Variants in TECRL observed in about 807,000 individuals in gnomAD.
TECRL encodes the protein trans-2,3-enoyl-CoA reductase like.
A neutral mutation model predicts 52.8 loss-of-function variants in TECRL; 63 were observed. That is an observed-to-expected ratio of 1.19 (90% confidence interval 0.97 to 1.47). The LOEUF is 1.47. Ranked by LOEUF, TECRL falls within the 40% of genes most tolerant of loss-of-function variation. TECRL has a pLI of 0.00. For synonymous variants in TECRL, 164 were observed against 141.9 expected (o/e 1.16, Z -1.10); for missense variants, 482 against 429.6 (o/e 1.12, Z -1.08).
chr4:64,351,859 C>T (rs538442210), intron 2 of TECRL, among the ~76,000 whole-genome samples: 1 of 152,230 alleles, frequency 6.6e-6, no homozygotes, highest in African/African-American at 2.4e-5. Flanking sequence ...TAGTCTAATT[C>T]AGTATAGAGC....
chr4:64,291,891 T>C (rs982624100), intron 8 of TECRL, among the ~76,000 whole-genome samples: 11 of 151,932 alleles, frequency 7.2e-5, no homozygotes, highest in Non-Finnish European at 4.4e-5. Context: ...AATGCTTACA[T>C]GGTAAGAGTG....
At chr4:64,326,237 T>G (rs1718253775) in intron 3 of TECRL, among the ~76,000 whole-genome samples, 1 of 152,170 alleles carries the variant, frequency 6.6e-6, no homozygotes, top group Non-Finnish European at 1.5e-5. Flanking sequence ...AATCTATTTT[T>G]TCTATGTAGA....
chr4:64,320,038 T>C (rs1210289436), intron 4 of TECRL, among the ~76,000 whole-genome samples: 1 of 151,856 alleles, frequency 6.6e-6, no homozygotes, highest in African/African-American at 2.4e-5. Flanking sequence ...TACATGAACT[T>C]ATACAAGGGA....
At chr4:64,377,016 C>G (rs1263006611) in intron 1 of TECRL, among the ~76,000 whole-genome samples, 1 of 151,970 alleles carries the variant, frequency 6.6e-6, no homozygotes, top group African/African-American at 2.4e-5. Flanking sequence ...CAGAATAATG[C>G]AATAGACAAA....
At chr4:64,392,221 AC>A (rs375506120) in intron 1 of TECRL, among the ~76,000 whole-genome samples, 177 of 151,966 alleles carry the variant, frequency 1.2e-3, no homozygotes, top group South Asian at 0.011. Context: ...TATGCATTCC[AC>A]CCATATTTCA....
chr4:64,277,142 T>G, downstream of TECRL: 4 of 855,090 alleles, frequency 4.7e-6, no homozygotes, highest in South Asian at 8.0e-5. Context: ...AGTAAGGGAA[T>G]AACTGATACA....
chr4:64,392,789 C>T (rs1354302290), intron 1 of TECRL, among the ~76,000 whole-genome samples: 1 of 151,968 alleles, frequency 6.6e-6, no homozygotes, highest in Admixed American at 6.6e-5. Context: ...TTCATCAGGC[C>T]TATGCTGTAC....
chr4:64,374,166 T>C (rs1379197318), intron 2 of TECRL, among the ~76,000 whole-genome samples: 4 of 149,028 alleles, frequency 2.7e-5, no homozygotes, highest in Non-Finnish European at 4.5e-5. Flanking sequence ...TATGACTTTA[T>C]AGCAAAATAA....
At chr4:64,366,077 C>A (rs559644208) in intron 2 of TECRL, among the ~76,000 whole-genome samples, 1 of 151,930 alleles carries the variant, frequency 6.6e-6, no homozygotes, top group Admixed American at 6.6e-5. Flanking sequence ...AGAAAAAAAG[C>A]CACACAAATA....
At chr4:64,285,243 T>C (rs1024425267) in intron 9 of TECRL, among the ~76,000 whole-genome samples, 10 of 152,142 alleles carry the variant, frequency 6.6e-5, no homozygotes, top group African/African-American at 2.4e-4. Context: ...CCAACTTATC[T>C]GTCTCCAGTC....
chr4:64,375,688 C>A (rs531141936), intron 1 of TECRL, among the ~76,000 whole-genome samples: 1 of 151,910 alleles, frequency 6.6e-6, no homozygotes, highest in African/African-American at 2.4e-5. Context: ...AAGTCCCCTA[C>A]TGACATTATT....
At chr4:64,400,107 T>A (rs1724248219) in intron 1 of TECRL, among the ~76,000 whole-genome samples, 2 of 152,098 alleles carry the variant, frequency 1.3e-5, no homozygotes, top group African/African-American at 2.4e-5. Flanking sequence ...GTCACAGGAG[T>A]GGAGCTATCC....
At chr4:64,402,808 T>A (rs915000519) in intron 1 of TECRL, among the ~76,000 whole-genome samples, 3 of 152,098 alleles carry the variant, frequency 2.0e-5, no homozygotes, top group African/African-American at 7.2e-5. Flanking sequence ...TAAAAAGATC[T>A]GCTACCTACA....
intron 2 of TECRL, among the ~76,000 whole-genome samples, chr4:64,331,865 T>C (rs553818547): frequency 2.0e-5 from 3 of 151,914 alleles, no homozygotes; most frequent in African/African-American, 7.2e-5. Context: ...TTAAAAGAAA[T>C]AGGGACCAAA....
In TECRL at chr4:64,367,433, G is replaced by T. The variant is rs1379961617; in HGVS notation, c.286+7739C>A. Reference sequence around the variant, plus strand: ...AAATTCTTATAATTTTAAAACTAATGCAATCATTAATACATTCCAGAATGT... The same window carrying T: ...AAATTCTTATAATTTTAAAACTAATTCAATCATTAATACATTCCAGAATGT... On this transcript the variant is annotated intron_variant, in intron 2 of 11. Transcript: ENST00000381210. 2.0e-5 allele frequency among the ~76,000 whole-genome samples: 3 copies of T among 152,132 alleles called. No homozygotes were observed. In the East Asian group the frequency reaches 5.8e-4, roughly 29 times the overall value.
chr4:64,334,044 A>AAAAAAAAAAAAAAAAAAAAAAAAAG (rs1560507056), intron 2 of TECRL, among the ~76,000 whole-genome samples: 1 of 119,442 alleles, frequency 8.4e-6, no homozygotes, highest in Non-Finnish European at 1.7e-5. Context: ...AAAAAAAAAA[A>AAAAAAAAAAAAAAAAAAAAAAAAAG]AAAAAGAAAA....
At chr4:64,408,171 C>T (rs1481162613) in intron 1 of TECRL, among the ~76,000 whole-genome samples, 3 of 151,684 alleles carry the variant, frequency 2.0e-5, no homozygotes, top group Non-Finnish European at 4.4e-5. Flanking sequence ...ATGTGCTTGG[C>T]AATTATTAAA....
chr4:64,335,977 G>C (rs201168616), intron 2 of TECRL, among the ~76,000 whole-genome samples: 1 of 150,874 alleles, frequency 6.6e-6, no homozygotes, highest in African/African-American at 2.4e-5. Context: ...CTTTTTTTTT[G>C]GTTGTTGTGT....
intron 3 of TECRL, among the ~76,000 whole-genome samples, chr4:64,325,762 G>A (rs190277152): frequency 6.6e-6 from 1 of 152,172 alleles, no homozygotes; most frequent in Non-Finnish European, 1.5e-5. Flanking sequence ...CCTTAGAAAA[G>A]GGGTTAGTTT....
Sources: gnomAD v4.1 joint callset for allele counts (sites outside exome capture counted in the v4.1 genomes callset) on GRCh38, gnomAD v4.1.1 for gene constraint, MANE v1.5 for transcripts, NCBI Gene and HGNC (gene_info 2026-07-23, HGNC 2026-07-21) for gene names.